The following TBC1D30 variants were observed in gnomAD, a reference collection of about 807,000 sequenced individuals.
TBC1D30 encodes TBC1 domain family member 30, also known as TBC1 domain family, member 30.
Under a neutral mutation model 63.2 loss-of-function variants are expected in TBC1D30, and 31 were observed. The ratio of observed to expected loss-of-function variants is 0.49; its 90% CI spans 0.37 to 0.66. The LOEUF is 0.66. Among genes scored for constraint, TBC1D30 ranks in the 30% least tolerant of loss-of-function variants. TBC1D30 has a pLI of 0.00. For synonymous variants in TBC1D30, 307 were observed against 361.5 expected (o/e 0.85, Z 1.71); for missense variants, 810 against 953.6 (o/e 0.85, Z 1.98).
At chr12:64,817,469 C>T (rs974710690) in intron 2 of TBC1D30, among the ~76,000 whole-genome samples, 3 of 152,198 alleles carry the variant, frequency 2.0e-5, no homozygotes, top group African/African-American at 7.2e-5. Flanking sequence ...GAGGGTCTCA[C>T]CAGGGGTGAT....
intron 8 of TBC1D30, among the ~76,000 whole-genome samples, chr12:64,862,506 GA>G (rs1470846655): frequency 6.6e-6 from 1 of 152,180 alleles, no homozygotes; most frequent in African/African-American, 2.4e-5. Flanking sequence ...TCAGAGCCTA[GA>G]CCATCATCCC....
chr12:64,836,570 T>A lies in TBC1D30; in HGVS notation c.675T>A (p.Ala225=). ...NNLRALSVDM[A]VFRDLLRMKL... is the part of the protein sequence containing the mutation. ...TCCGGGCATTGTCTGTGGATATGGC[T>A]GTCTTCAGAGACCTTTTAAGAATGA... Residue 225 remains alanine (A), a synonymous_variant, in exon 6 of 12, where the codon GCT becomes GCA. Coordinates refer to ENST00000539867, the MANE Select transcript of TBC1D30 (RefSeq NM_015279.2). The A allele has an allele frequency of 6.5e-7, 1 of 1,536,068 alleles. No homozygotes were observed. The highest frequency in any genetic ancestry group is 8.7e-7 in the Non-Finnish European group (1 of 1,146,866).
chr12:64,786,003 GA>G lies in TBC1D30; in HGVS notation c.602del (p.Asp201ValfsTer3). 1 of 1,289,590 alleles carries G rather than the reference GA, an allele frequency of 7.8e-7. No individual in the cohort carries two copies. Among genetic ancestry groups the G allele is most frequent in the Non-Finnish European group, 1.0e-6 (1 of 988,648 alleles). The allele number at this position is 1,289,590 out of a possible 1,614,324, so 79.9% of individuals were successfully genotyped here. A position where few individuals can be genotyped will look rare whatever the true frequency, so the allele number is the denominator to read the frequency against. On this transcript the variant is annotated frameshift_variant, in exon 2 of 13. Transcript: ENST00000542120. LOFTEE classifies it high-confidence loss of function. ...TCTGCATAAAGTGCAGAGGAACTGT[GA>G]TATTGTGACTGCCTGCTTGCAGGCT...
chr12:64,868,925 G>C lies in TBC1D30; in HGVS notation c.1292-1677G>C, dbSNP rs578251811. 2.0e-5 allele frequency among the ~76,000 whole-genome samples: 3 copies of C among 151,962 alleles called. No individual in the cohort carries two copies. The South Asian group carries it at 6.2e-4, about 32-fold the overall frequency. ...TTACCTCTAGATATCCTGTAATTTG[G>C]TAATGTTCCCCTTAAAATGTTGTGC... On this transcript the variant is annotated intron_variant, in intron 10 of 11. Transcript: ENST00000539867.
At chr12:64,767,790 G>GC (rs1324153438) in intron 1 of TBC1D30, among the ~76,000 whole-genome samples, 2 of 26,570 alleles carry the variant, frequency 7.5e-5, no homozygotes, top group South Asian at 2.2e-3. Context: ...TGCTCCGGCG[G>GC]GGGGGGGGGG....
At chr12:64,810,346 G>T (rs959875022) in intron 2 of TBC1D30, among the ~76,000 whole-genome samples, 1 of 152,044 alleles carries the variant, frequency 6.6e-6, no homozygotes, top group Non-Finnish European at 1.5e-5. Flanking sequence ...TCATCGTCTG[G>T]TGACTCACAC....
intron 1 of TBC1D30, among the ~76,000 whole-genome samples, chr12:64,775,022 G>A (rs951818187): frequency 8.6e-5 from 13 of 151,964 alleles, no homozygotes; most frequent in Non-Finnish European, 1.8e-4. Flanking sequence ...GAACCCAGGA[G>A]GCAGAGGTTG....
intron 1 of TBC1D30, among the ~76,000 whole-genome samples, chr12:64,766,234 T>G (rs1216582179): frequency 6.6e-6 from 1 of 152,156 alleles, no homozygotes; most frequent in African/African-American, 2.4e-5. Context: ...GTCTACTATT[T>G]ACATAACTGG....
chr12:64,809,435 C>T (rs1306857278), intron 2 of TBC1D30, among the ~76,000 whole-genome samples: 1 of 152,158 alleles, frequency 6.6e-6, no homozygotes, highest in Non-Finnish European at 1.5e-5. Flanking sequence ...TATTTCATTC[C>T]TTTTATGGCT....
At chr12:64,771,597 T>C (rs140134718) in intron 1 of TBC1D30, among the ~76,000 whole-genome samples, 3 of 152,126 alleles carry the variant, frequency 2.0e-5, no homozygotes, top group Admixed American at 2.0e-4. Context: ...CTCTCTCAGC[T>C]CACGTCCAAG....
At position 64,836,622 on chromosome 12, in the gene TBC1D30, G is replaced by T. The variant is rs779854600; in HGVS notation, c.727G>T (p.Asp243Tyr). The T allele has an allele frequency of 1.3e-5, 20 of 1,535,784 alleles. No individual in the cohort carries two copies. Among genetic ancestry groups the T allele is most frequent in the Non-Finnish European group, 1.7e-5 (20 of 1,146,808 alleles). Residue 243 changes from aspartate (D) to tyrosine (Y), a missense_variant, in exon 6 of 12, where the codon GAT becomes TAT. By Grantham distance (160) the Asp-to-Tyr change is radical (BLOSUM62 -3). Coordinates refer to ENST00000539867, the MANE Select transcript of TBC1D30 (RefSeq NM_015279.2). The part of the protein sequence containing the change: ...MKLPELSQHL[D>Y]TLQRTANKES... Reference sequence around the variant, plus strand: ...GCTGCCGGAATTATCTCAGCACCTGGATACTCTTCAGAGAACTGCAAACAA... The same window carrying T: ...GCTGCCGGAATTATCTCAGCACCTGTATACTCTTCAGAGAACTGCAAACAA...
At position 64,878,586 on chromosome 12, in the gene TBC1D30, A is replaced by G. The variant is rs1879250005; in HGVS notation, c.*2798A>G. 2.2e-6 allele frequency: 1 copy of G among 456,168 alleles called. No individual in the cohort carries two copies. Among genetic ancestry groups the G allele is most frequent in the Non-Finnish European group, 4.4e-6 (1 of 226,770 alleles). The allele number at this position is 456,168 out of a possible 1,614,324, so 28.3% of individuals were successfully genotyped here. ...TGTTTGTCTCTTGTTGTTCTGAAGG[A>G]TTGTATTGATCACAAAGCTATATGC... On this transcript the variant is annotated 3_prime_UTR_variant, in exon 12 of 12. Coordinates refer to ENST00000539867, the MANE Select transcript of TBC1D30 (RefSeq NM_015279.2).
intron 2 of TBC1D30, among the ~76,000 whole-genome samples, chr12:64,786,688 C>T (rs865945383): frequency 2.0e-5 from 3 of 152,064 alleles, no homozygotes; most frequent in Admixed American, 6.5e-5. Context: ...TGGTGGCTCA[C>T]ACCTATAATC....
intron 8 of TBC1D30, among the ~76,000 whole-genome samples, chr12:64,862,398 A>G (rs1196067415): frequency 6.6e-6 from 1 of 152,242 alleles, no homozygotes; most frequent in Non-Finnish European, 1.5e-5. Context: ...AGTCAGTGAC[A>G]GAGAAAGGAA....
At chr12:64,848,301 T>C (rs970971934) in intron 8 of TBC1D30, among the ~76,000 whole-genome samples, 1 of 151,992 alleles carries the variant, frequency 6.6e-6, no homozygotes, top group Non-Finnish European at 1.5e-5. Context: ...ATACTTTAAG[T>C]TCTGGGATAC....
rs71278243 is a variant in TBC1D30 at position 64,854,498 on chromosome 12, CT to C, written c.1039-10156del. Among the ~76,000 whole-genome samples the C allele has an allele frequency of 7.0e-3, 974 of 138,726 alleles. 9 individuals are homozygous for C. Among genetic ancestry groups the C allele is most frequent in the African/African-American group, 0.021 (769 of 37,014 alleles). The allele number at this position is 138,726 out of a possible 152,430, so 91.0% of individuals were successfully genotyped here. ...CAGCATTTAGTCTTTCTTTTTCTTT[CT>C]TTTTTTTTTTTTTGAGATGGAATCT... is the stretch of plus-strand genomic sequence containing the variant. On this transcript the variant is annotated intron_variant, in intron 8 of 11. Coordinates refer to ENST00000539867, the MANE Select transcript of TBC1D30 (RefSeq NM_015279.2).
chr12:64,855,371 T>C (rs1877214811), intron 8 of TBC1D30, among the ~76,000 whole-genome samples: 1 of 152,220 alleles, frequency 6.6e-6, no homozygotes, highest in South Asian at 2.1e-4. Context: ...TGTACTTCTC[T>C]TGGTTTGGGA....
At chr12:64,802,864 T>C (rs1298069962) in intron 2 of TBC1D30, among the ~76,000 whole-genome samples, 1 of 152,246 alleles carries the variant, frequency 6.6e-6, no homozygotes, top group Non-Finnish European at 1.5e-5. Context: ...CCATGGTGTG[T>C]ATGTGCCACA....
intron 2 of TBC1D30, among the ~76,000 whole-genome samples, chr12:64,794,454 T>G (rs945824539): frequency 6.6e-6 from 1 of 152,228 alleles, no homozygotes; most frequent in African/African-American, 2.4e-5. Flanking sequence ...TTCTTTTTTT[T>G]TTGAGACAGG....
Sources: gnomAD v4.1 joint callset for allele counts (sites outside exome capture counted in the v4.1 genomes callset) on GRCh38, gnomAD v4.1.1 for gene constraint, MANE v1.5 for transcripts, NCBI Gene and HGNC (gene_info 2026-07-23, HGNC 2026-07-21) for gene names.